MACROD2: variants seen among roughly 807,000 people sequenced by gnomAD.
MACROD2 encodes the protein ADP-ribose glycohydrolase MACROD2.
Under a neutral mutation model 70.4 loss-of-function variants are expected in MACROD2, and 36 were observed. The observed-to-expected ratio is 0.51, with a 90% confidence interval of 0.39 to 0.68. MACROD2 has a LOEUF of 0.68. Ranked by LOEUF, MACROD2 falls within the 30% of genes least tolerant of loss-of-function variation. The probability of loss-of-function intolerance (pLI) is 0.00; values close to 1 mark genes in which losing one functional copy is unlikely to be tolerated. For missense variants in MACROD2, 496 were observed against 538.4 expected (o/e 0.92, Z 0.78); for synonymous variants, 172 against 178.8 (o/e 0.96, Z 0.30).
intron 3 of MACROD2, among the ~76,000 whole-genome samples, chr20:14,370,859 T>C (rs907536177): frequency 2.0e-5 from 3 of 152,176 alleles, no homozygotes; most frequent in East Asian, 1.9e-4. Flanking sequence ...AGAAATGCAA[T>C]CTAAGTGGTA....
At chr20:15,378,466 A>T (rs1263375860) in intron 6 of MACROD2, among the ~76,000 whole-genome samples, 2 of 152,124 alleles carry the variant, frequency 1.3e-5, no homozygotes, top group Non-Finnish European at 2.9e-5. Flanking sequence ...GAGTGATTGA[A>T]TGTATTGGAG....
intron 6 of MACROD2, among the ~76,000 whole-genome samples, chr20:15,354,639 A>G (rs764816972): frequency 5.3e-5 from 8 of 150,652 alleles, no homozygotes; most frequent in Non-Finnish European, 7.5e-5. Context: ...ACTTAAATGT[A>G]AATTTTAAAA....
chr20:15,699,603 C>G lies in MACROD2; in HGVS notation c.646-163142C>G, dbSNP rs79129324. On this transcript the variant is annotated intron_variant, in intron 8 of 17. Coordinates refer to ENST00000684519, the MANE Select transcript of MACROD2 (RefSeq NM_001351661.2). ...AAAGCATCAGAGCCGCCGCTGTGTCCCCTGCCACAGCCCCGAGTTTGTTTC... is the reference window on the plus strand; with the variant it reads ...AAAGCATCAGAGCCGCCGCTGTGTCGCCTGCCACAGCCCCGAGTTTGTTTC... Among the ~76,000 whole-genome samples the G allele has an allele frequency of 6.1e-3, 925 of 152,218 alleles. 13 individuals carry two copies. Among genetic ancestry groups the G allele is most frequent in the African/African-American group, 0.022 (897 of 41,532 alleles).
At chr20:15,585,767 A>T (rs74995136) in intron 8 of MACROD2, among the ~76,000 whole-genome samples, 1 of 149,494 alleles carries the variant, frequency 6.7e-6, no homozygotes. Context: ...TCACTGCCTC[A>T]TTTTTTTTTT....
At chr20:14,037,789 C>T (rs2053334587) in intron 2 of MACROD2, among the ~76,000 whole-genome samples, 2 of 151,400 alleles carry the variant, frequency 1.3e-5, no homozygotes, top group Non-Finnish European at 1.5e-5. Flanking sequence ...GAGGCTGAGG[C>T]GGGTGGATGG....
intron 5 of MACROD2, among the ~76,000 whole-genome samples, chr20:14,691,613 A>G (rs550148904): frequency 6.6e-6 from 1 of 152,314 alleles, no homozygotes; most frequent in South Asian, 2.1e-4. Flanking sequence ...TGCAGTCCAC[A>G]GGAAATGCAG....
chr20:14,648,234 A>C (rs1985497469), intron 4 of MACROD2, among the ~76,000 whole-genome samples: 1 of 152,224 alleles, frequency 6.6e-6, no homozygotes. Context: ...TTCTCTATGT[A>C]AGATGACTAG....
chr20:15,284,185 G>A (rs2077471331), intron 6 of MACROD2, among the ~76,000 whole-genome samples: 1 of 151,998 alleles, frequency 6.6e-6, no homozygotes, highest in African/African-American at 2.4e-5. Flanking sequence ...GTAGGTTTCT[G>A]TCTGTGCTTT....
chr20:15,284,812 G>T (rs2077476752), intron 6 of MACROD2, among the ~76,000 whole-genome samples: 1 of 152,102 alleles, frequency 6.6e-6, no homozygotes, highest in African/African-American at 2.4e-5. Context: ...CCCCATGACT[G>T]CCATTTTCAT....
Position 14,633,080 on chromosome 20 carries a change from A to C in MACROD2, c.302-51763A>C, listed in dbSNP as rs946013995. 1.1e-4 allele frequency among the ~76,000 whole-genome samples: 16 copies of C among 152,162 alleles called. 1 individual carries two copies. The highest frequency in any genetic ancestry group is 3.9e-4 in the African/African-American group (16 of 41,450). On this transcript the variant is annotated intron_variant, in intron 4 of 17. Transcript: ENST00000684519. ...CGTTCCCGCAGAGGCCCTGGAGAGGAACCTTTCTCTTTCCTCTTCCTGCCA... is the reference window on the plus strand; with the variant it reads ...CGTTCCCGCAGAGGCCCTGGAGAGGCACCTTTCTCTTTCCTCTTCCTGCCA...
intron 6 of MACROD2, among the ~76,000 whole-genome samples, chr20:15,394,012 T>C (rs892666280): frequency 2.0e-5 from 3 of 152,166 alleles, no homozygotes; most frequent in South Asian, 2.1e-4. Flanking sequence ...AGAGAAAGAA[T>C]AGAACAGATT....
At chr20:15,019,829 G>C (rs2075150568) in intron 5 of MACROD2, among the ~76,000 whole-genome samples, 1 of 152,058 alleles carries the variant, frequency 6.6e-6, no homozygotes, top group Non-Finnish European at 1.5e-5. Flanking sequence ...GTAAAATTGA[G>C]GATATTGTGT....
At chr20:14,332,721 A>C (rs556903492) in intron 3 of MACROD2, among the ~76,000 whole-genome samples, 50 of 152,264 alleles carry the variant, frequency 3.3e-4, no homozygotes, top group Middle Eastern at 3.4e-3. Context: ...AGTTAGTTGC[A>C]TTGTTTTAAG....
chr20:15,790,028 A>G (rs1253554846), intron 8 of MACROD2, among the ~76,000 whole-genome samples: 3 of 151,852 alleles, frequency 2.0e-5, no homozygotes, highest in Non-Finnish European at 2.9e-5. Flanking sequence ...TAAAGAACCA[A>G]TTTACTAATT....
chr20:16,028,935 T>G (rs2067117121), intron 15 of MACROD2, among the ~76,000 whole-genome samples: 1 of 152,208 alleles, frequency 6.6e-6, no homozygotes, highest in African/African-American at 2.4e-5. Flanking sequence ...TCTGCTCGGC[T>G]GCCATAACAA....
At chr20:14,895,052 G>C (rs6135294) in intron 5 of MACROD2, 2 of 152,130 alleles carry the variant, frequency 1.3e-5, no homozygotes, top group Non-Finnish European at 2.9e-5. Flanking sequence ...AGAAGATTTA[G>C]ACATGGTGAT....
At chr20:15,667,554 T>C (rs2049918408) in intron 8 of MACROD2, among the ~76,000 whole-genome samples, 1 of 151,928 alleles carries the variant, frequency 6.6e-6, no homozygotes, top group African/African-American at 2.4e-5. Flanking sequence ...ATTATGACAA[T>C]TCATCCCAAA....
intron 8 of MACROD2, among the ~76,000 whole-genome samples, chr20:15,575,622 A>G (rs1454916576): frequency 6.6e-6 from 1 of 152,162 alleles, no homozygotes; most frequent in Non-Finnish European, 1.5e-5. Flanking sequence ...CTGATTTATG[A>G]AAGGCATTTG....
intron 3 of MACROD2, among the ~76,000 whole-genome samples, chr20:14,265,254 A>C (rs1285038417): frequency 6.6e-6 from 1 of 152,226 alleles, no homozygotes; most frequent in African/African-American, 2.4e-5. Flanking sequence ...CTACATTAGC[A>C]TAGAAAAGAG....
Sources: gnomAD v4.1 joint callset for allele counts (sites outside exome capture counted in the v4.1 genomes callset) on GRCh38, gnomAD v4.1.1 for gene constraint, MANE v1.5 for transcripts, NCBI Gene and HGNC (gene_info 2026-07-23, HGNC 2026-07-21) for gene names.